Variants in TRAPPC9 observed in about 807,000 individuals in gnomAD.
TRAPPC9 encodes IKK2 binding protein.
In TRAPPC9, 83 loss-of-function variants were observed where a neutral mutation model predicts 124.0. That is an observed-to-expected ratio of 0.67 (90% CI 0.56 to 0.80). The LOEUF is 0.80. TRAPPC9 is among the 30% of genes least tolerant of loss of function. The probability of loss-of-function intolerance (pLI) is 0.00; values close to 1 mark genes in which losing one functional copy is unlikely to be tolerated. For synonymous variants in TRAPPC9, 638 were observed against 617.5 expected, an observed-to-expected ratio of 1.03 and a Z score of -0.49; for missense variants, 1,302 against 1,508.3, an observed-to-expected ratio of 0.86 and a Z score of 2.27.
chr8:140,021,857 A>G (rs1839854277), intron 18 of TRAPPC9, among the ~76,000 whole-genome samples: 2 of 152,216 alleles, frequency 1.3e-5, no homozygotes, highest in Non-Finnish European at 2.9e-5. Flanking sequence ...TCAAACAGGT[A>G]TTTTCCAAAA....
chr8:140,088,100 A>G (rs1844319078), intron 17 of TRAPPC9, among the ~76,000 whole-genome samples: 1 of 152,056 alleles, frequency 6.6e-6, no homozygotes, highest in Admixed American at 6.5e-5. Context: ...AAGCCTCCCT[A>G]GTCCTTCTGG....
At chr8:139,917,925 A>G (rs1023187914) in intron 19 of TRAPPC9, among the ~76,000 whole-genome samples, 2 of 152,210 alleles carry the variant, frequency 1.3e-5, no homozygotes, top group African/African-American at 4.8e-5. Flanking sequence ...GCTGTGGCCC[A>G]TGCAGTTAGG....
intron 17 of TRAPPC9, among the ~76,000 whole-genome samples, chr8:140,057,152 A>T (rs1842334470): frequency 6.6e-6 from 1 of 152,220 alleles, no homozygotes. Flanking sequence ...ATTACCTCAC[A>T]CCTGTTAGGA....
chr8:139,774,783 A>C (rs1821244352), intron 21 of TRAPPC9, among the ~76,000 whole-genome samples: 1 of 152,182 alleles, frequency 6.6e-6, no homozygotes, highest in African/African-American at 2.4e-5. Context: ...AAGGGAGCAG[A>C]ATCTCTCCAG....
At chr8:140,362,469 A>G (rs2067984722) in intron 8 of TRAPPC9, among the ~76,000 whole-genome samples, 1 of 152,204 alleles carries the variant, frequency 6.6e-6, no homozygotes, top group South Asian at 2.1e-4. Flanking sequence ...GTATATATTT[A>G]AAGTATTTCT....
intron 7 of TRAPPC9, among the ~76,000 whole-genome samples, chr8:140,390,533 C>T (rs1486501484): frequency 6.6e-6 from 1 of 152,142 alleles, no homozygotes; most frequent in Non-Finnish European, 1.5e-5. Context: ...TCTTTCCTCA[C>T]TTTATTGGGC....
At chr8:139,795,764 G>A (rs1823013733) in intron 21 of TRAPPC9, among the ~76,000 whole-genome samples, 1 of 152,138 alleles carries the variant, frequency 6.6e-6, no homozygotes, top group African/African-American at 2.4e-5. Flanking sequence ...GAGCGTGAGG[G>A]GTGGGAGGCG....
chr8:140,391,815 T>C (rs893743470), intron 7 of TRAPPC9, among the ~76,000 whole-genome samples: 3 of 150,754 alleles, frequency 2.0e-5, no homozygotes, highest in African/African-American at 7.3e-5. Flanking sequence ...TCACCTGAGG[T>C]CAGGAGTTTG....
At chr8:139,977,105 G>A (rs755714333) in intron 19 of TRAPPC9, among the ~76,000 whole-genome samples, 2 of 152,132 alleles carry the variant, frequency 1.3e-5, no homozygotes, top group Non-Finnish European at 2.9e-5. Flanking sequence ...CAAACCTCAA[G>A]CAGTAAAGCA....
At chr8:140,453,991 T>C (rs1427568157) in intron 1 of TRAPPC9, among the ~76,000 whole-genome samples, 1 of 152,142 alleles carries the variant, frequency 6.6e-6, no homozygotes, top group African/African-American at 2.4e-5. Context: ...GGGCCTTATT[T>C]TAGAAGTATC....
chr8:139,886,096 G>A (rs751951144), intron 20 of TRAPPC9, 127 bp from the exon 21 acceptor site: 1 of 900,056 alleles, frequency 1.1e-6, no homozygotes, highest in South Asian at 1.4e-5. Context: ...CTTCTGAAGG[G>A]ACTGTCTAAC....
At chr8:140,014,067 T>G (rs1839302985) in intron 18 of TRAPPC9, among the ~76,000 whole-genome samples, 1 of 152,112 alleles carries the variant, frequency 6.6e-6, no homozygotes, top group South Asian at 2.1e-4. Context: ...AACTCCACAG[T>G]GCCCCTTCCA....
chr8:140,372,547 A>C (rs2068313286), intron 7 of TRAPPC9, among the ~76,000 whole-genome samples: 1 of 152,138 alleles, frequency 6.6e-6, no homozygotes, highest in South Asian at 2.1e-4. Context: ...CACCCGAGCC[A>C]CGGTTTGAAT....
At chr8:139,971,164 T>C (rs1167642358) in intron 19 of TRAPPC9, among the ~76,000 whole-genome samples, 1 of 151,666 alleles carries the variant, frequency 6.6e-6, no homozygotes, top group Non-Finnish European at 1.5e-5. Flanking sequence ...TCCAGGCACT[T>C]CCCAAAAGGC....
At chr8:140,092,347 G>A (rs1403515168) in intron 17 of TRAPPC9, among the ~76,000 whole-genome samples, 5 of 151,650 alleles carry the variant, frequency 3.3e-5, no homozygotes, top group Admixed American at 6.6e-5. Flanking sequence ...ACAGGCGCCC[G>A]ATGCCACGCG....
At chr8:140,300,370 C>T in intron 11 of TRAPPC9, 99 bp downstream of exon 11, 17 of 1,490,000 alleles carry the variant, frequency 1.1e-5, no homozygotes, top group Non-Finnish European at 1.5e-5. Flanking sequence ...CACACATGCA[C>T]ATGCATGAAC....
intron 21 of TRAPPC9, among the ~76,000 whole-genome samples, chr8:139,751,992 G>A (rs114362391): frequency 0.032 from 4,621 of 144,504 alleles, 222 homozygotes; most frequent in African/African-American, 0.11. Context: ...ATCTTTGTCC[G>A]TCTACCATCC....
At chr8:140,298,305 C>T (rs1022898015) in intron 11 of TRAPPC9, among the ~76,000 whole-genome samples, 4 of 152,052 alleles carry the variant, frequency 2.6e-5, no homozygotes, top group African/African-American at 9.7e-5. Context: ...ATTATGAGAC[C>T]CTTACAGAAG....
At chr8:140,218,446 A>G (rs892204367) in intron 17 of TRAPPC9, among the ~76,000 whole-genome samples, 1 of 152,128 alleles carries the variant, frequency 6.6e-6, no homozygotes, top group African/African-American at 2.4e-5. Flanking sequence ...GCATTTATTC[A>G]TGACAATCTC....
Sources: allele counts gnomAD v4.1 joint callset (sites outside exome capture counted in the v4.1 genomes callset), GRCh38; gene constraint gnomAD v4.1.1; transcripts MANE v1.5; gene names NCBI Gene and HGNC (gene_info 2026-07-23, HGNC 2026-07-21).